Variants in GRM7 observed in about 807,000 individuals in gnomAD.
GRM7 encodes glutamate metabotropic receptor 7.
In GRM7, 35 loss-of-function variants were observed where a neutral mutation model predicts 84.5. The observed-to-expected ratio is 0.41, with a 90% confidence interval of 0.32 to 0.55. The LOEUF (loss-of-function observed/expected upper bound fraction) is 0.55. Among genes scored for constraint, GRM7 ranks in the 20% least tolerant of loss-of-function variants. GRM7 has a pLI of 0.19. For missense variants in GRM7, 1,003 were observed against 1,194.6 expected, an observed-to-expected ratio of 0.84 and a Z score of 2.36; for synonymous variants, 487 against 455.1, an observed-to-expected ratio of 1.07 and a Z score of -0.89.
chr3:7,125,525 A>G (rs1000295999), intron 1 of GRM7, among the ~76,000 whole-genome samples: 12 of 152,196 alleles, frequency 7.9e-5, no homozygotes, highest in African/African-American at 2.4e-4. Context: ...TGCCATCCAG[A>G]TGACTAAAGA....
chr3:7,249,782 C>T (rs1697910999), intron 2 of GRM7, among the ~76,000 whole-genome samples: 1 of 152,102 alleles, frequency 6.6e-6, no homozygotes, highest in South Asian at 2.1e-4. Flanking sequence ...GTGAGAGAGA[C>T]CAAAAATAGC....
intron 1 of GRM7, among the ~76,000 whole-genome samples, chr3:7,080,359 C>T (rs1462424429): frequency 2.6e-5 from 4 of 152,100 alleles, no homozygotes; most frequent in East Asian, 1.9e-4. Flanking sequence ...GTGTACTCTT[C>T]GCTTTGGTGA....
At chr3:6,939,660 G>C (rs767657855) in intron 1 of GRM7, among the ~76,000 whole-genome samples, 197 of 152,268 alleles carry the variant, frequency 1.3e-3, no homozygotes, top group Non-Finnish European at 2.6e-3. Context: ...AGGGATTGCT[G>C]CCCTAAAGCC....
chr3:7,064,250 C>G (rs13327497), intron 1 of GRM7, among the ~76,000 whole-genome samples: 2 of 149,544 alleles, frequency 1.3e-5, no homozygotes, highest in African/African-American at 2.5e-5. Context: ...ACTCTTCCCC[C>G]CAAGTCCCCA....
intron 1 of GRM7, among the ~76,000 whole-genome samples, chr3:7,055,501 G>C (rs776176210): frequency 1.0e-4 from 15 of 149,746 alleles, no homozygotes; most frequent in Non-Finnish European, 1.9e-4. Context: ...GTGTGTGTGT[G>C]TGTGTATGTA....
intron 1 of GRM7, among the ~76,000 whole-genome samples, chr3:6,950,337 C>T (rs1031075050): frequency 7.2e-5 from 11 of 152,176 alleles, no homozygotes; most frequent in East Asian, 3.9e-4. Context: ...ACCCTGTTTG[C>T]CTGGGTATCA....
chr3:7,674,545 G>T (rs939680369), intron 8 of GRM7, among the ~76,000 whole-genome samples: 1 of 152,122 alleles, frequency 6.6e-6, no homozygotes. Context: ...TATACATTAT[G>T]GGATGGCTAA....
chr3:7,537,784 C>T (rs147050172), intron 7 of GRM7, among the ~76,000 whole-genome samples: 1 of 152,052 alleles, frequency 6.6e-6, no homozygotes, highest in Non-Finnish European at 1.5e-5. Context: ...GATTATTCAA[C>T]TAGGCATGCA....
chr3:7,103,762 CTTTCTT>C (rs768409125), intron 1 of GRM7, among the ~76,000 whole-genome samples: 2 of 65,456 alleles, frequency 3.1e-5, no homozygotes, highest in East Asian at 3.6e-4. Context: ...TTCTTTCTTT[CTTTCTT>C]TCTTTCTTTC....
At chr3:7,394,535 T>A (rs1037506582) in intron 4 of GRM7, among the ~76,000 whole-genome samples, 6 of 152,334 alleles carry the variant, frequency 3.9e-5, no homozygotes, top group Middle Eastern at 3.4e-3. Flanking sequence ...CATATACTAA[T>A]TGTTATACAA....
At chr3:6,915,092 T>G (rs910036008) in intron 1 of GRM7, among the ~76,000 whole-genome samples, 3 of 152,224 alleles carry the variant, frequency 2.0e-5, no homozygotes, top group African/African-American at 7.2e-5. Flanking sequence ...AGGTCCTTAT[T>G]GCTCCAGGAC....
chr3:7,187,310 G>T (rs1362252036), intron 2 of GRM7, among the ~76,000 whole-genome samples: 2 of 152,102 alleles, frequency 1.3e-5, no homozygotes, highest in East Asian at 3.9e-4. Flanking sequence ...ATTCCCTATT[G>T]CTTCCCATTC....
chr3:7,488,858 C>CTTATTTATTTATTTATTTATTTAT lies in GRM7; in HGVS notation c.1515+27143_1515+27166dup, dbSNP rs3065639. Among the ~76,000 whole-genome samples, 123 of 147,586 alleles carry CTTATTTATTTATTTATTTATTTAT rather than the reference C, an allele frequency of 8.3e-4. 1 individual carries two copies. Among genetic ancestry groups the CTTATTTATTTATTTATTTATTTAT allele is most frequent in the Middle Eastern group, 6.9e-3 (2 of 288 alleles). ...CTGGAAACCACTGATCTAGTAAGGT[C>CTTATTTATTTATTTATTTATTTAT]TTATTTATTTATTTATTTATTTATT... On this transcript the variant is annotated intron_variant, in intron 7 of 9. Transcript: ENST00000357716.
intron 8 of GRM7, among the ~76,000 whole-genome samples, chr3:7,666,085 T>C (rs901725534): frequency 2.0e-5 from 3 of 152,160 alleles, no homozygotes; most frequent in Non-Finnish European, 2.9e-5. Flanking sequence ...TGATTATATA[T>C]ACTGTGAATG....
chr3:7,192,860 C>T (rs906788870), intron 2 of GRM7, among the ~76,000 whole-genome samples: 1 of 152,088 alleles, frequency 6.6e-6, no homozygotes, highest in Non-Finnish European at 1.5e-5. Context: ...TGCCTCTAAC[C>T]CTGCAATGAG....
chr3:7,287,069 C>G (rs1026668685), intron 2 of GRM7, among the ~76,000 whole-genome samples: 2 of 152,048 alleles, frequency 1.3e-5, no homozygotes, highest in Admixed American at 1.3e-4. Flanking sequence ...CCCCTTCCAC[C>G]CCCAAAAACT....
intron 8 of GRM7, among the ~76,000 whole-genome samples, chr3:7,675,031 C>A (rs1700070738): frequency 6.6e-6 from 1 of 152,008 alleles, no homozygotes; most frequent in African/African-American, 2.4e-5. Context: ...CACGAAATAG[C>A]CGCATAACAC....
At chr3:7,094,620 CATATT>C (rs1416281776) in intron 1 of GRM7, among the ~76,000 whole-genome samples, 1 of 152,176 alleles carries the variant, frequency 6.6e-6, no homozygotes, top group Non-Finnish European at 1.5e-5. Flanking sequence ...CACATGAAAA[CATATT>C]ATATAGCTTT....
intron 9 of GRM7, among the ~76,000 whole-genome samples, chr3:7,697,446 C>G (rs558659362): frequency 6.6e-6 from 1 of 152,040 alleles, no homozygotes; most frequent in African/African-American, 2.4e-5. Context: ...GTTTTAGAAC[C>G]CGTTCTGATC....
Sources: allele counts gnomAD v4.1 joint callset (sites outside exome capture counted in the v4.1 genomes callset), GRCh38; gene constraint gnomAD v4.1.1; transcripts MANE v1.5; gene names NCBI Gene and HGNC (gene_info 2026-07-23, HGNC 2026-07-21).